The following ADAM19 variants were observed in gnomAD, a reference collection of about 807,000 sequenced individuals.
The protein encoded by ADAM19 is disintegrin and metalloproteinase domain-containing protein 19.
ADAM19 carries 65 observed loss-of-function variants against 114.7 expected under a neutral mutation model. The observed-to-expected ratio is 0.57, with a 90% CI of 0.46 to 0.70. ADAM19 has a LOEUF of 0.70. ADAM19 is among the 30% of genes least tolerant of loss of function. The pLI is 0.00. For synonymous variants in ADAM19, 466 were observed against 460.5 expected (o/e 1.01, Z -0.15); for missense variants, 1,063 against 1,204.7 (o/e 0.88, Z 1.74).
At position 157,479,917 on chromosome 5, in the gene ADAM19, A is replaced by T; in HGVS notation, c.*1032T>A. 3 of 985,840 alleles carry T rather than the reference A, an allele frequency of 3.0e-6. No homozygotes were observed. Among genetic ancestry groups the T allele is most frequent in the Non-Finnish European group, 3.6e-6 (3 of 830,040 alleles). The allele number at this position is 985,840 out of a possible 1,614,324, so 61.1% of individuals were successfully genotyped here. A position where few individuals can be genotyped will look rare whatever the true frequency, so the allele number is the denominator to read the frequency against. ...GCTTAGAGTAAGGAGGAAGACCCCC[A>T]CCCTGCTGAGGTCACAAAACACAAT... On this transcript the variant is annotated 3_prime_UTR_variant, in exon 23 of 23. Transcript: ENST00000257527.
At chr5:157,534,761 T>C (rs1464642329) in intron 4 of ADAM19, among the ~76,000 whole-genome samples, 1 of 152,230 alleles carries the variant, frequency 6.6e-6, no homozygotes, top group Non-Finnish European at 1.5e-5. Context: ...CAGATATTAT[T>C]ATTGCCATGT....
intron 5 of ADAM19, among the ~76,000 whole-genome samples, chr5:157,525,455 C>T (rs1369624081): frequency 6.6e-6 from 1 of 152,106 alleles, no homozygotes; most frequent in Non-Finnish European, 1.5e-5. Context: ...AAGAGGAAAG[C>T]CCACCCAAAA....
At chr5:157,525,758 T>G (rs947164767) in intron 5 of ADAM19, among the ~76,000 whole-genome samples, 7 of 152,194 alleles carry the variant, frequency 4.6e-5, no homozygotes, top group Non-Finnish European at 8.8e-5. Context: ...GACTTTACAT[T>G]TTGAGCTTAT....
Position 157,486,791 on chromosome 5 carries a change from A to G in ADAM19, c.2550+1474T>C, listed in dbSNP as rs532584496. Among the ~76,000 whole-genome samples the G allele has an allele frequency of 1.3e-4, 19 of 151,712 alleles. 1 individual carries two copies. In the East Asian group the frequency reaches 3.5e-3, roughly 28 times the overall value. ...TTAGGGACTGAACTGTGCACTCATC[A>G]TTTAAAAAAAAAAAATCATATGCTG... On this transcript the variant is annotated intron_variant, in intron 21 of 22. Transcript: ENST00000257527.
intron 13 of ADAM19, among the ~76,000 whole-genome samples, chr5:157,498,688 G>GTATGTA (rs1554079322): frequency 9.0e-5 from 13 of 143,862 alleles, no homozygotes; most frequent in African/African-American, 3.3e-4. Context: ...ATGTGTGTAT[G>GTATGTA]TATATATATA....
intron 3 of ADAM19, among the ~76,000 whole-genome samples, chr5:157,549,570 T>C (rs1421827795): frequency 7.9e-5 from 12 of 152,200 alleles, no homozygotes; most frequent in Non-Finnish European, 1.6e-4. Flanking sequence ...TAACCCTCAT[T>C]AGGGAAGGCT....
chr5:157,504,042 C>T (rs1333161952), intron 11 of ADAM19, among the ~76,000 whole-genome samples: 2 of 152,168 alleles, frequency 1.3e-5, no homozygotes, highest in South Asian at 4.1e-4. Flanking sequence ...GGAAGGTATG[C>T]TCCAAGGAAT....
At chr5:157,557,098 GGGTT>G (rs1185806724) in intron 3 of ADAM19, among the ~76,000 whole-genome samples, 1 of 152,072 alleles carries the variant, frequency 6.6e-6, no homozygotes, top group Non-Finnish European at 1.5e-5. Context: ...GGTAGAGACA[GGGTT>G]TTGCCACATT....
intron 3 of ADAM19, among the ~76,000 whole-genome samples, chr5:157,552,147 T>C (rs955206268): frequency 6.6e-6 from 1 of 151,164 alleles, no homozygotes; most frequent in African/African-American, 2.4e-5. Flanking sequence ...CAAGACTCTG[T>C]CTCAAAAAAC....
At chr5:157,556,798 G>A (rs369163811) in intron 3 of ADAM19, among the ~76,000 whole-genome samples, 2 of 152,168 alleles carry the variant, frequency 1.3e-5, no homozygotes, top group Admixed American at 6.5e-5. Flanking sequence ...CATTCAAAGG[G>A]TTGCCATGAG....
intron 5 of ADAM19, 139 bp from the exon 6 acceptor site, chr5:157,520,170 T>A: frequency 1.3e-6 from 1 of 759,224 alleles, no homozygotes; most frequent in Non-Finnish European, 2.1e-6. Context: ...TGGGGCCATG[T>A]ACCCCTTCGT....
rs1561836095 is a variant in ADAM19, at chr5:157,479,459, G to A, written c.*1490C>T. On this transcript the variant is annotated 3_prime_UTR_variant, in exon 23 of 23. Coordinates refer to ENST00000257527, the MANE Select transcript of ADAM19 (RefSeq NM_033274.5). Reference sequence around the variant, plus strand: ...AGTCAGGCCAGCTCCTGTCCGGAGAGCCACCCAGCACCTTTGTGGAGTGGG... The same window carrying A: ...AGTCAGGCCAGCTCCTGTCCGGAGAACCACCCAGCACCTTTGTGGAGTGGG... 1.0e-6 allele frequency: 1 copy of A among 985,984 alleles called. No homozygotes were observed. Among genetic ancestry groups the A allele is most frequent in the Non-Finnish European group, 1.2e-6 (1 of 830,048 alleles). 61.1% of individuals were successfully genotyped at this position (985,984 alleles called of 1,614,324 possible). A position where few individuals can be genotyped will look rare whatever the true frequency, so the allele number is the denominator to read the frequency against.
In ADAM19 at chr5:157,496,955, G is replaced by T; in HGVS notation, c.1533C>A (p.Ala511=). 6.3e-7 allele frequency: 1 copy of T among 1,599,206 alleles called. No homozygotes were observed. Among genetic ancestry groups the T allele is most frequent in the Non-Finnish European group, 8.5e-7 (1 of 1,173,768 alleles). Residue 511 remains alanine (A), a synonymous_variant, in exon 14 of 23, where the codon GCC becomes GCA. Coordinates refer to ENST00000257527, the MANE Select transcript of ADAM19 (RefSeq NM_033274.5). The part of the protein sequence containing the change: ...MDGTPCEGGQ[A]YCYNGMCLTY... The stretch of plus-strand genomic sequence containing the variant: ...TGAGGCACATGCCGTTGTAGCAGTA[G>T]GCCTGGCCGCCCTCACAGGGGGTAC...
At chr5:157,481,434 A>G in intron 22 of ADAM19, 1 of 683,398 alleles carries the variant, frequency 1.5e-6, no homozygotes, top group Non-Finnish European at 2.4e-6. Context: ...CTACTAATGC[A>G]CTTCCTTGCT....
intron 18 of ADAM19, among the ~76,000 whole-genome samples, chr5:157,490,889 C>CT (rs1755130415): frequency 9.7e-6 from 1 of 102,664 alleles, no homozygotes; most frequent in Non-Finnish European, 2.1e-5. Flanking sequence ...AAGACTCCGT[C>CT]TCAAAAAAAA....
At chr5:157,502,574 T>A (rs972129099) in intron 12 of ADAM19, among the ~76,000 whole-genome samples, 7 of 152,170 alleles carry the variant, frequency 4.6e-5, no homozygotes, top group African/African-American at 1.7e-4. Context: ...CAGACACTCA[T>A]AAGAAGAACT....
At chr5:157,512,194 T>C (rs1224113968) in intron 8 of ADAM19, among the ~76,000 whole-genome samples, 1 of 152,184 alleles carries the variant, frequency 6.6e-6, no homozygotes, top group Non-Finnish European at 1.5e-5. Flanking sequence ...GAAATGCCAG[T>C]GTTTGACTTT....
chr5:157,503,077 ACTCC>A, intron 11 of ADAM19, 97 bp from the exon 12 acceptor site: 4 of 1,174,622 alleles, frequency 3.4e-6, no homozygotes, highest in Non-Finnish European at 4.9e-6. Flanking sequence ...CGTGGGGCTG[ACTCC>A]ACCTGGGTTC....
intron 5 of ADAM19, among the ~76,000 whole-genome samples, chr5:157,520,383 A>G (rs1418125170): frequency 6.6e-6 from 1 of 151,554 alleles, no homozygotes; most frequent in African/African-American, 2.4e-5. Context: ...TACCTGTGAC[A>G]CTTAAAACTT....
Sources: allele counts gnomAD v4.1 joint callset (sites outside exome capture counted in the v4.1 genomes callset), GRCh38; gene constraint gnomAD v4.1.1; transcripts MANE v1.5; gene names NCBI Gene and HGNC (gene_info 2026-07-23, HGNC 2026-07-21).